Variants in AGBL4 observed in about 807,000 individuals in gnomAD.
The protein encoded by AGBL4 is cytosolic carboxypeptidase 6.
A neutral mutation model predicts 66.4 loss-of-function variants in AGBL4; 58 were observed. The observed-to-expected ratio is 0.87, with a 90% CI of 0.71 to 1.09. The LOEUF (loss-of-function observed/expected upper bound fraction) is 1.09, where lower values mean the gene tolerates loss of function less well. Ranked by LOEUF, AGBL4 falls within the 50% of genes least tolerant of loss-of-function variation. AGBL4 has a pLI of 0.00. For synonymous variants in AGBL4, 234 were observed against 222.9 expected (o/e 1.05, Z -0.44); for missense variants, 579 against 631.0 (o/e 0.92, Z 0.88).
chr1:49,583,373 C>T (rs922922908), intron 3 of AGBL4, among the ~76,000 whole-genome samples: 1 of 152,126 alleles, frequency 6.6e-6, no homozygotes, highest in East Asian at 1.9e-4. Flanking sequence ...TCATCTGTAT[C>T]GTCTATCATA....
chr1:48,715,328 C>T (rs1304212520), intron 6 of AGBL4, among the ~76,000 whole-genome samples: 1 of 152,178 alleles, frequency 6.6e-6, no homozygotes, highest in East Asian at 1.9e-4. Flanking sequence ...CCTGAGTGTC[C>T]CACATGGCTT....
intron 6 of AGBL4, among the ~76,000 whole-genome samples, chr1:48,829,009 T>C (rs1387779766): frequency 6.6e-6 from 1 of 152,192 alleles, no homozygotes; most frequent in Non-Finnish European, 1.5e-5. Context: ...TGAGATAGAA[T>C]AGATCTTTAG....
intron 5 of AGBL4, among the ~76,000 whole-genome samples, chr1:48,983,659 G>A (rs1233493468): frequency 2.0e-5 from 3 of 152,154 alleles, no homozygotes; most frequent in African/African-American, 7.2e-5. Flanking sequence ...GTTAATCGAG[G>A]AAGCAAACCT....
chr1:49,469,144 CTG>C (rs990042120), intron 3 of AGBL4, among the ~76,000 whole-genome samples: 1 of 151,738 alleles, frequency 6.6e-6, no homozygotes, highest in African/African-American at 2.4e-5. Context: ...AATGATGTGA[CTG>C]TTGTTAGTAT....
chr1:49,884,020 TGTTG>T (rs1647730923), intron 1 of AGBL4, among the ~76,000 whole-genome samples: 2 of 152,158 alleles, frequency 1.3e-5, no homozygotes. Context: ...GCAGAGTTAT[TGTTG>T]CTATGGAATA....
At chr1:48,767,553 A>T (rs984987188) in intron 6 of AGBL4, among the ~76,000 whole-genome samples, 2 of 152,206 alleles carry the variant, frequency 1.3e-5, no homozygotes, top group Non-Finnish European at 2.9e-5. Context: ...CACATGAATG[A>T]AGGTGAATGG....
chr1:49,291,586 T>C (rs1239467189), intron 3 of AGBL4, among the ~76,000 whole-genome samples: 3 of 152,218 alleles, frequency 2.0e-5, no homozygotes, highest in Non-Finnish European at 4.4e-5. Context: ...ATAGAAAGTT[T>C]TAGAACAAGA....
chr1:49,264,850 AATAATTTTG>A (rs914093706), intron 3 of AGBL4, among the ~76,000 whole-genome samples: 1 of 152,122 alleles, frequency 6.6e-6, no homozygotes, highest in African/African-American at 2.4e-5. Flanking sequence ...CGGCCCTCCC[AATAATTTTG>A]ATAATTGTAG....
In AGBL4 at chr1:49,063,660, A is replaced by AG. The variant is rs570668942; in HGVS notation, c.378-17861dup. 2.0e-3 allele frequency among the ~76,000 whole-genome samples: 305 copies of AG among 152,308 alleles called. 2 individuals carry two copies. The highest frequency in any genetic ancestry group is 7.1e-3 in the African/African-American group (295 of 41,560). ...ATGGCAGGTGGTGACAAGTGATATG[A>AG]GGGGAAAAAGACAGCATAAGGGAAT... On this transcript the variant is annotated intron_variant, in intron 4 of 13. Transcript: ENST00000371839.
chr1:48,822,676 T>TAAAC (rs1646342309), intron 6 of AGBL4, among the ~76,000 whole-genome samples: 1 of 152,176 alleles, frequency 6.6e-6, no homozygotes, highest in Non-Finnish European at 1.5e-5. Context: ...TTCCTCCAAA[T>TAAAC]AAACAAACAA....
At chr1:49,144,936 C>A (rs955999404) in intron 4 of AGBL4, among the ~76,000 whole-genome samples, 8 of 151,982 alleles carry the variant, frequency 5.3e-5, no homozygotes, top group African/African-American at 1.9e-4. Flanking sequence ...ATTGGGAAGC[C>A]TAAGGGTGAG....
chr1:49,567,175 C>T (rs1487683923), intron 3 of AGBL4, among the ~76,000 whole-genome samples: 2 of 152,200 alleles, frequency 1.3e-5, no homozygotes, highest in African/African-American at 4.8e-5. Context: ...GTGGGAGTGA[C>T]CCGATTTTCC....
chr1:49,613,824 C>T (rs764590072), intron 3 of AGBL4, among the ~76,000 whole-genome samples: 2 of 152,136 alleles, frequency 1.3e-5, no homozygotes, highest in African/African-American at 2.4e-5. Flanking sequence ...CATCCCAAAA[C>T]CATCCCCCCA....
intron 3 of AGBL4, among the ~76,000 whole-genome samples, chr1:49,248,434 G>A (rs568960141): frequency 7.9e-5 from 12 of 152,224 alleles, no homozygotes; most frequent in Admixed American, 3.9e-4. Context: ...GGAACTATTT[G>A]TCACCTCTTG....
At chr1:48,622,380 C>G (rs947619176) in intron 9 of AGBL4, among the ~76,000 whole-genome samples, 3 of 152,028 alleles carry the variant, frequency 2.0e-5, no homozygotes, top group African/African-American at 7.3e-5. Context: ...TTAACATGTG[C>G]TACCCTGTGC....
chr1:48,976,832 A>G (rs1183987068), intron 5 of AGBL4, among the ~76,000 whole-genome samples: 1 of 151,964 alleles, frequency 6.6e-6, no homozygotes, highest in Non-Finnish European at 1.5e-5. Flanking sequence ...AGACCTTCTA[A>G]GGACCATCCC....
intron 3 of AGBL4, among the ~76,000 whole-genome samples, chr1:49,541,678 G>A (rs536982172): frequency 5.4e-4 from 82 of 152,268 alleles, no homozygotes; most frequent in Non-Finnish European, 8.1e-4. Flanking sequence ...GCTCCACAGC[G>A]CCTGGTCCAC....
intron 6 of AGBL4, among the ~76,000 whole-genome samples, chr1:48,708,421 A>C (rs113113931): frequency 1.6e-4 from 24 of 152,274 alleles, no homozygotes; most frequent in African/African-American, 5.8e-4. Flanking sequence ...TTCTGAGACA[A>C]GGCAGGGATG....
chr1:48,574,726 G>A (rs1644623298), intron 11 of AGBL4, among the ~76,000 whole-genome samples: 1 of 151,860 alleles, frequency 6.6e-6, no homozygotes, highest in Non-Finnish European at 1.5e-5. Context: ...AACAAGCCAA[G>A]CACGGCCACA....
Sources: gnomAD v4.1 joint callset for allele counts (sites outside exome capture counted in the v4.1 genomes callset) on GRCh38, gnomAD v4.1.1 for gene constraint, MANE v1.5 for transcripts, NCBI Gene and HGNC (gene_info 2026-07-23, HGNC 2026-07-21) for gene names.